The following DAB1 variants were observed in gnomAD, a reference collection of about 807,000 sequenced individuals.
DAB1 encodes DAB adaptor protein 1, also known as disabled homolog 1.
Under a neutral mutation model 64.6 loss-of-function variants are expected in DAB1, and 15 were observed. The ratio of observed to expected loss-of-function variants is 0.23; its 90% CI spans 0.16 to 0.36. DAB1 has a LOEUF of 0.36. Ranked by LOEUF, DAB1 falls within the 10% of genes least tolerant of loss-of-function variation. The pLI is 1.00. For synonymous variants in DAB1, 235 were observed against 251.9 expected (o/e 0.93, Z 0.64); for missense variants, 596 against 706.7 (o/e 0.84, Z 1.78).
chr1:57,692,927 A>G (rs966108972), intron 6 of DAB1, among the ~76,000 whole-genome samples: 3 of 152,062 alleles, frequency 2.0e-5, no homozygotes, highest in Non-Finnish European at 4.4e-5. Context: ...TCTTGTACCA[A>G]CCTCTGGAGT....
chr1:58,405,665 G>T (rs1408880024), intron 3 of DAB1, among the ~76,000 whole-genome samples: 1 of 152,192 alleles, frequency 6.6e-6, no homozygotes, highest in African/African-American at 2.4e-5. Flanking sequence ...CACCTTTTTG[G>T]AGTGTAAACT....
At chr1:57,908,500 C>T (rs1373227630) in intron 5 of DAB1, among the ~76,000 whole-genome samples, 2 of 152,174 alleles carry the variant, frequency 1.3e-5, no homozygotes, top group African/African-American at 4.8e-5. Context: ...AGCCAGCTAT[C>T]CTCTCCTCCA....
chr1:57,522,007 G>A (rs1294412615), intron 7 of DAB1, among the ~76,000 whole-genome samples: 2 of 152,190 alleles, frequency 1.3e-5, no homozygotes, highest in Non-Finnish European at 2.9e-5. Context: ...CTACTTGGGA[G>A]GCTGAGGCAG....
chr1:57,329,719 C>T (rs1676491408), intron 1 of DAB1, among the ~76,000 whole-genome samples: 1 of 151,034 alleles, frequency 6.6e-6, no homozygotes, highest in African/African-American at 2.4e-5. Flanking sequence ...ACATATACAC[C>T]TCTATATTTG....
intron 5 of DAB1, among the ~76,000 whole-genome samples, chr1:57,897,911 G>C (rs908556771): frequency 6.6e-6 from 1 of 152,172 alleles, no homozygotes; most frequent in African/African-American, 2.4e-5. Flanking sequence ...TCTGGGAAAG[G>C]AAAGAGAAGC....
At chr1:58,242,919 T>C (rs1326617397) in intron 4 of DAB1, among the ~76,000 whole-genome samples, 1 of 152,064 alleles carries the variant, frequency 6.6e-6, no homozygotes, top group Non-Finnish European at 1.5e-5. Context: ...AGCAAATGGC[T>C]GATATCACAT....
rs751430868 is a variant in DAB1, at chr1:58,536,512, C to G, written n.33-9177G>C. 5 of 870,140 alleles carry G rather than the reference C, an allele frequency of 5.7e-6. No homozygotes were observed. The South Asian group carries it at 6.6e-5, about 11-fold the overall frequency. 53.9% of individuals were successfully genotyped at this position (870,140 alleles called of 1,614,324 possible). A position where few individuals can be genotyped will look rare whatever the true frequency, so the allele number is the denominator to read the frequency against. On this transcript the variant is annotated intron_variant and non_coding_transcript_variant, in intron 1 of 20. Transcript: ENST00000485760. ...AATTAAAAACAACTCTTACTACTTA[C>G]TGCTTCATATTCCAGTTCCGATAAA...
chr1:58,514,776 A>AAT (rs1646134700), intron 2 of DAB1, among the ~76,000 whole-genome samples: 2 of 152,208 alleles, frequency 1.3e-5, no homozygotes, highest in Non-Finnish European at 2.9e-5. Context: ...TTTTAGAAGC[A>AAT]ATACTGCAGA....
chr1:57,977,166 A>C (rs972343554), intron 5 of DAB1, among the ~76,000 whole-genome samples: 1 of 152,178 alleles, frequency 6.6e-6, no homozygotes, highest in Admixed American at 6.6e-5. Context: ...CCTATGCCTC[A>C]GCCAATCAGT....
intron 3 of DAB1, among the ~76,000 whole-genome samples, chr1:58,360,595 A>G (rs1464635426): frequency 6.6e-6 from 1 of 151,940 alleles, no homozygotes; most frequent in African/African-American, 2.4e-5. Context: ...GACTCCTTCA[A>G]GCAAAGAAGG....
chr1:57,783,368 T>G lies in DAB1; in HGVS notation n.551+100631A>C, dbSNP rs959603715. On this transcript the variant is annotated intron_variant and non_coding_transcript_variant, in intron 6 of 20. Coordinates refer to the DAB1 transcript ENST00000485760. ...TCGCCCATCTTGGTCTCCCAAAGTG[T>G]GGGGATTATAGGCATGTGCCACTGT... Among the ~76,000 whole-genome samples, 3 of 151,934 alleles carry G rather than the reference T, an allele frequency of 2.0e-5. No individual in the cohort carries two copies. The East Asian group carries it at 5.8e-4, about 30-fold the overall frequency.
At chr1:57,186,831 T>G (rs1042948691) in intron 2 of DAB1, among the ~76,000 whole-genome samples, 5 of 152,186 alleles carry the variant, frequency 3.3e-5, no homozygotes, top group Non-Finnish European at 5.9e-5. Context: ...AATTAACTAT[T>G]CTGTGTCAAT....
intron 1 of DAB1, among the ~76,000 whole-genome samples, chr1:57,314,506 C>G (rs1351550801): frequency 6.6e-6 from 1 of 152,146 alleles, no homozygotes; most frequent in Non-Finnish European, 1.5e-5. Flanking sequence ...TATTGAATGC[C>G]AATCCCTGCT....
intron 5 of DAB1, among the ~76,000 whole-genome samples, chr1:57,946,191 G>C (rs1235581812): frequency 6.6e-6 from 1 of 152,200 alleles, no homozygotes; most frequent in East Asian, 1.9e-4. Context: ...GAGGCATTCA[G>C]TATTCAAAGA....
At chr1:58,167,640 T>C (rs1050984633) in intron 4 of DAB1, among the ~76,000 whole-genome samples, 1 of 152,232 alleles carries the variant, frequency 6.6e-6, no homozygotes, top group Non-Finnish European at 1.5e-5. Flanking sequence ...ATCTTGCTGC[T>C]GCTCACTCTT....
chr1:57,531,978 G>A (rs1644668444), intron 7 of DAB1, among the ~76,000 whole-genome samples: 1 of 152,168 alleles, frequency 6.6e-6, no homozygotes, highest in South Asian at 2.1e-4. Flanking sequence ...AGGAGGTGAT[G>A]CATTTGGAGT....
intron 1 of DAB1, among the ~76,000 whole-genome samples, chr1:57,830,678 C>T (rs1024758104): frequency 3.3e-5 from 5 of 152,142 alleles, no homozygotes; most frequent in African/African-American, 1.2e-4. Context: ...AAGATTGGTT[C>T]TTTGCTGATG....
intron 6 of DAB1, among the ~76,000 whole-genome samples, chr1:57,692,313 T>C (rs1188253368): frequency 6.6e-6 from 1 of 151,892 alleles, no homozygotes; most frequent in African/African-American, 2.4e-5. Context: ...ATTTCTAGTA[T>C]AAACTAAGAA....
rs565213251 is a variant in DAB1 at position 57,052,450 on chromosome 1, CTG to C, written c.723+10432_723+10433del. On this transcript the variant is annotated intron_variant, in intron 9 of 14. Coordinates refer to ENST00000371236, the MANE Select transcript of DAB1 (RefSeq NM_001365792.1). ...GAAACAGATTTTCTGGACACATACT[CTG>C]TGTCTGATGCTTGTTCAGTGAGGCA... Among the ~76,000 whole-genome samples, 649 of 152,300 alleles carry C rather than the reference CTG, an allele frequency of 4.3e-3. 3 individuals carry two copies. The highest frequency in any genetic ancestry group is 0.014 in the African/African-American group (602 of 41,572).
Sources: allele counts gnomAD v4.1 joint callset (sites outside exome capture counted in the v4.1 genomes callset), GRCh38; gene constraint gnomAD v4.1.1; transcripts MANE v1.5; gene names NCBI Gene and HGNC (gene_info 2026-07-23, HGNC 2026-07-21).